The following SH3KBP1 variants were observed in gnomAD, a reference collection of about 807,000 sequenced individuals.
SH3KBP1 encodes SH3 domain-containing kinase-binding protein 1.
SH3KBP1 carries 8 observed loss-of-function variants against 50.1 expected under a neutral mutation model. That is an observed-to-expected ratio of 0.16 (90% confidence interval 0.09 to 0.29). The LOEUF is 0.29. Ranked by LOEUF, SH3KBP1 falls within the 10% of genes least tolerant of loss-of-function variation. The pLI is 1.00. For missense variants in SH3KBP1, 377 were observed against 535.2 expected (o/e 0.70, Z 2.92); for synonymous variants, 227 against 218.6 (o/e 1.04, Z -0.34).
intron 13 of SH3KBP1, among the ~76,000 whole-genome samples, chrX:19,568,318 C>T (rs1054639115): frequency 4.5e-5 from 5 of 112,208 alleles, no homozygotes; most frequent in African/African-American, 1.6e-4. Context: ...GAAATGAAGA[C>T]TTGCACATGG....
intron 4 of SH3KBP1, among the ~76,000 whole-genome samples, chrX:19,701,675 C>T (rs950969234): frequency 3.6e-5 from 4 of 112,012 alleles, no homozygotes; most frequent in South Asian, 3.7e-4. Context: ...CTCTCTCGTT[C>T]GTCAATGCCA....
rs760707711 is a variant in SH3KBP1, at chrX:19,852,636, G to GAAAAAAAAAAAAAA, written c.5-16368_5-16355dup. Among the ~76,000 whole-genome samples the GAAAAAAAAAAAAAA allele has an allele frequency of 2.0e-3, 102 of 51,922 alleles. 2 individuals are homozygous for GAAAAAAAAAAAAAA. The highest frequency in any genetic ancestry group is 6.6e-3 in the African/African-American group (99 of 14,934). 45.1% of individuals were successfully genotyped at this position (51,922 alleles called of 115,157 possible). ...ATGTTCCAGATACTGTAGCTGCACAGAAAAAAAAAAAAAAAAAAAAATCCA... is the reference window on the plus strand; with the variant it reads ...ATGTTCCAGATACTGTAGCTGCACAGAAAAAAAAAAAAAAAAAAAAAAAAAAAAAAAAAAATCCA... On this transcript the variant is annotated intron_variant, in intron 1 of 17. Coordinates refer to ENST00000397821, the MANE Select transcript of SH3KBP1 (RefSeq NM_031892.3).
chrX:19,658,690 G>A (rs1269451933), intron 6 of SH3KBP1, among the ~76,000 whole-genome samples: 1 of 108,322 alleles, frequency 9.2e-6, no homozygotes, highest in East Asian at 2.9e-4. Context: ...TCAGCCTCCC[G>A]AGTAGCTGCA....
chrX:19,750,598 C>T (rs2065037245), intron 2 of SH3KBP1, among the ~76,000 whole-genome samples: 1 of 111,833 alleles, frequency 8.9e-6, no homozygotes, highest in African/African-American at 3.3e-5. Flanking sequence ...ATGTGACATG[C>T]ATGCTGACCC....
At chrX:19,668,976 T>TATA (rs1569405166) in intron 6 of SH3KBP1, among the ~76,000 whole-genome samples, 20 of 60,629 alleles carry the variant, frequency 3.3e-4, no homozygotes, top group South Asian at 2.0e-3. Context: ...ATATATATAT[T>TATA]TTTTGAGACA....
At chrX:19,701,254 G>A (rs1212006942) in intron 4 of SH3KBP1, among the ~76,000 whole-genome samples, 2 of 111,677 alleles carry the variant, frequency 1.8e-5, no homozygotes, top group African/African-American at 6.5e-5. Flanking sequence ...TAACCTTTCT[G>A]ATGAATCAAG....
chrX:19,831,188 G>A (rs1410820052), intron 2 of SH3KBP1, among the ~76,000 whole-genome samples: 3 of 110,607 alleles, frequency 2.7e-5, no homozygotes, highest in South Asian at 3.8e-4. Context: ...AGGCCGAGGC[G>A]GGAGGATCAC....
intron 8 of SH3KBP1, among the ~76,000 whole-genome samples, chrX:19,625,452 AGGCCTCAG>A (rs1426298111): frequency 9.0e-6 from 1 of 110,827 alleles, no homozygotes; most frequent in Non-Finnish European, 1.9e-5. Context: ...TTGGGGAGGC[AGGCCTCAG>A]GCACAAAAAG....
At chrX:19,537,016 T>G (rs1027845983) in intron 17 of SH3KBP1, among the ~76,000 whole-genome samples, 7 of 112,100 alleles carry the variant, frequency 6.2e-5, no homozygotes, top group Non-Finnish European at 1.3e-4. Flanking sequence ...TCTAACGCCC[T>G]GGCAGGACAG....
intron 2 of SH3KBP1, among the ~76,000 whole-genome samples, chrX:19,788,974 A>C (rs2066449018): frequency 9.0e-6 from 1 of 111,464 alleles, no homozygotes. Flanking sequence ...AAGTACAAAA[A>C]TTAGCCGGGC....
chrX:19,842,105 T>C (rs189354957), intron 1 of SH3KBP1, among the ~76,000 whole-genome samples: 1 of 112,027 alleles, frequency 8.9e-6, no homozygotes, highest in Admixed American at 9.5e-5. Context: ...ATGAAGAATC[T>C]TTTTGGGGTG....
chrX:19,558,001 T>C (rs1338784898), intron 13 of SH3KBP1, among the ~76,000 whole-genome samples: 4 of 112,205 alleles, frequency 3.6e-5, no homozygotes, highest in Non-Finnish European at 5.6e-5. Flanking sequence ...TTCACTTGGA[T>C]TGATGACAAG....
chrX:19,639,598 C>G (rs935638995), intron 7 of SH3KBP1, among the ~76,000 whole-genome samples: 1 of 111,234 alleles, frequency 9.0e-6, no homozygotes, highest in Non-Finnish European at 1.9e-5. Context: ...TGGGAAGGCT[C>G]CCACTCTGAA....
chrX:19,719,118 T>C (rs2063989520), intron 3 of SH3KBP1, among the ~76,000 whole-genome samples: 1 of 112,079 alleles, frequency 8.9e-6, no homozygotes, highest in African/African-American at 3.2e-5. Flanking sequence ...ACTGTCCTCC[T>C]TCCATTGTGT....
At chrX:19,729,007 A>G (rs1460319076) in intron 3 of SH3KBP1, among the ~76,000 whole-genome samples, 6 of 112,798 alleles carry the variant, frequency 5.3e-5, no homozygotes, top group African/African-American at 1.9e-4. Flanking sequence ...TCAGATGAAG[A>G]TAATTCCAGT....
intron 1 of SH3KBP1, among the ~76,000 whole-genome samples, chrX:19,851,590 G>A (rs945225383): frequency 2.7e-5 from 3 of 112,795 alleles, no homozygotes; most frequent in Non-Finnish European, 5.6e-5. Context: ...AGGATGGAGT[G>A]CAGTGGCACG....
intron 6 of SH3KBP1, among the ~76,000 whole-genome samples, chrX:19,677,415 C>G (rs1427762224): frequency 1.8e-5 from 2 of 111,706 alleles, no homozygotes; most frequent in Non-Finnish European, 3.8e-5. Flanking sequence ...ACAGTCTCGT[C>G]TGGGCTTGCC....
intron 6 of SH3KBP1, among the ~76,000 whole-genome samples, chrX:19,651,992 G>A (rs144869950): frequency 3.6e-5 from 4 of 111,736 alleles, no homozygotes; most frequent in East Asian, 2.8e-4. Context: ...ATGAGAGGTC[G>A]GTGAAGTGTC....
chrX:19,769,461 A>G (rs1484344458), intron 2 of SH3KBP1, among the ~76,000 whole-genome samples: 1 of 110,682 alleles, frequency 9.0e-6, no homozygotes, highest in Non-Finnish European at 1.9e-5. Context: ...TTTCAAAGCA[A>G]TATTATTGTT....
Sources: gnomAD v4.1 joint callset for allele counts (sites outside exome capture counted in the v4.1 genomes callset) on GRCh38, gnomAD v4.1.1 for gene constraint, MANE v1.5 for transcripts, NCBI Gene and HGNC (gene_info 2026-07-23, HGNC 2026-07-21) for gene names.